Variants in ANGPT1 observed in about 807,000 individuals in gnomAD.
ANGPT1 encodes the protein angiopoietin 1.
A neutral mutation model predicts 62.2 loss-of-function variants in ANGPT1; 17 were observed. That is an observed-to-expected ratio of 0.27 (90% confidence interval 0.19 to 0.41). The LOEUF is 0.41. Ranked by LOEUF, ANGPT1 falls within the 10% of genes least tolerant of loss-of-function variation. The pLI is 1.00. For missense variants in ANGPT1, 478 were observed against 594.9 expected (o/e 0.80, Z 2.04); for synonymous variants, 199 against 198.9 (o/e 1.00, Z 0.00).
chr8:107,496,451 A>G (rs1813099023), intron 1 of ANGPT1, among the ~76,000 whole-genome samples: 1 of 152,222 alleles, frequency 6.6e-6, no homozygotes, highest in Admixed American at 6.5e-5. Context: ...CATTCATCAA[A>G]TAACATGGAT....
At chr8:107,457,137 T>G (rs1283717) in intron 1 of ANGPT1, among the ~76,000 whole-genome samples, 12,767 of 151,912 alleles carry the variant, frequency 0.084, 592 homozygotes, top group South Asian at 0.14. Context: ...ACACAATATT[T>G]ATGACATATT....
chr8:107,334,904 C>A lies in ANGPT1; in HGVS notation c.575+1246G>T, dbSNP rs562970486. 2.0e-5 allele frequency among the ~76,000 whole-genome samples: 3 copies of A among 152,128 alleles called. No homozygotes were observed. In the South Asian group the frequency reaches 6.2e-4, roughly 32 times the overall value. On this transcript the variant is annotated intron_variant, in intron 3 of 8. Transcript: ENST00000517746. ...AGTTTATTTGTAGTTATACAGCTAACCCCATGTCACAGTACAAGGATAAAT... is the reference window on the plus strand; with the variant it reads ...AGTTTATTTGTAGTTATACAGCTAAACCCATGTCACAGTACAAGGATAAAT...
At chr8:107,380,746 C>T (rs1414290515) in intron 1 of ANGPT1, among the ~76,000 whole-genome samples, 2 of 152,100 alleles carry the variant, frequency 1.3e-5, no homozygotes, top group Non-Finnish European at 2.9e-5. Context: ...CATATCATCC[C>T]CACTTATCCA....
chr8:107,351,935 A>C (rs1187177450), intron 1 of ANGPT1, among the ~76,000 whole-genome samples: 1 of 152,204 alleles, frequency 6.6e-6, no homozygotes, highest in Admixed American at 6.6e-5. Flanking sequence ...GAATCTTTAG[A>C]ACAATCCAGG....
intron 1 of ANGPT1, among the ~76,000 whole-genome samples, chr8:107,486,491 A>G (rs1812818798): frequency 6.6e-6 from 1 of 152,178 alleles, no homozygotes; most frequent in South Asian, 2.1e-4. Context: ...AACAGTTTTG[A>G]AAAAGTGCTC....
At chr8:107,440,323 G>A (rs1385960070) in intron 1 of ANGPT1, among the ~76,000 whole-genome samples, 4 of 150,828 alleles carry the variant, frequency 2.7e-5, no homozygotes, top group Non-Finnish European at 4.4e-5. Context: ...GGTTAATACA[G>A]CATCAAATTT....
intron 1 of ANGPT1, among the ~76,000 whole-genome samples, chr8:107,476,106 A>T (rs536821698): frequency 1.3e-5 from 2 of 152,332 alleles, no homozygotes; most frequent in Non-Finnish European, 2.9e-5. Flanking sequence ...AAGGATTATA[A>T]ATCATGCTGC....
chr8:107,474,219 T>C (rs1446074051), intron 1 of ANGPT1, among the ~76,000 whole-genome samples: 1 of 135,100 alleles, frequency 7.4e-6, no homozygotes, highest in Non-Finnish European at 1.6e-5. Flanking sequence ...TCCAGCAACA[T>C]CAAAAAGCTT....
At chr8:107,282,984 C>T (rs1814052669) in intron 7 of ANGPT1, among the ~76,000 whole-genome samples, 1 of 132,010 alleles carries the variant, frequency 7.6e-6, no homozygotes, top group Non-Finnish European at 1.6e-5. Context: ...CCAAGCCTGA[C>T]ACACATGCAT....
chr8:107,259,413 T>C (rs1221215055), intron 8 of ANGPT1, among the ~76,000 whole-genome samples: 2 of 152,138 alleles, frequency 1.3e-5, no homozygotes, highest in Admixed American at 6.5e-5. Flanking sequence ...GTTCTAGATG[T>C]ACTAAGAAAT....
At chr8:107,449,705 A>C (rs980602295) in intron 1 of ANGPT1, among the ~76,000 whole-genome samples, 1 of 152,092 alleles carries the variant, frequency 6.6e-6, no homozygotes, top group African/African-American at 2.4e-5. Context: ...TTGCATTAGC[A>C]CACACGTTTT....
At position 107,311,003 on chromosome 8, in the gene ANGPT1, CTGTG is replaced by C. The variant is rs1197400450; in HGVS notation, c.809-7640_809-7637del. Among the ~76,000 whole-genome samples, 402 of 147,814 alleles carry C rather than the reference CTGTG, an allele frequency of 2.7e-3. 5 individuals carry two copies. Among genetic ancestry groups the C allele is most frequent in the Non-Finnish European group, 1.1e-3 (75 of 66,628 alleles). Reference sequence around the variant, plus strand: ...TGTGAGTGTGTGTGTATGTGTGTGACTGTGTGTATGTATGTGAGTGTGTGTGAGT... The same window carrying C: ...TGTGAGTGTGTGTGTATGTGTGTGACTGTATGTATGTGAGTGTGTGTGAGT... On this transcript the variant is annotated intron_variant, in intron 4 of 8. Transcript: ENST00000517746.
intron 1 of ANGPT1, among the ~76,000 whole-genome samples, chr8:107,402,507 A>C (rs1321630663): frequency 6.6e-6 from 1 of 152,224 alleles, no homozygotes; most frequent in Non-Finnish European, 1.5e-5. Context: ...CAGAGGAAGA[A>C]AGAGCACCTG....
At chr8:107,482,519 G>A (rs934454512) in intron 1 of ANGPT1, among the ~76,000 whole-genome samples, 4 of 152,130 alleles carry the variant, frequency 2.6e-5, no homozygotes, top group African/African-American at 9.7e-5. Flanking sequence ...TAACACAGTA[G>A]CTCAGGGCAT....
intron 1 of ANGPT1, among the ~76,000 whole-genome samples, chr8:107,366,222 T>C (rs1478670046): frequency 1.3e-5 from 2 of 152,232 alleles, no homozygotes; most frequent in Non-Finnish European, 2.9e-5. Context: ...TGAGTTTTAC[T>C]AAATCTACTT....
At chr8:107,420,846 T>TA (rs1810879002) in intron 1 of ANGPT1, among the ~76,000 whole-genome samples, 2 of 152,120 alleles carry the variant, frequency 1.3e-5, no homozygotes, top group Non-Finnish European at 2.9e-5. Context: ...CCTGTCTATA[T>TA]AAAAACATAT....
intron 1 of ANGPT1, among the ~76,000 whole-genome samples, chr8:107,385,455 G>C (rs1816714878): frequency 6.6e-6 from 1 of 152,014 alleles, no homozygotes; most frequent in Non-Finnish European, 1.5e-5. Context: ...ATATACAAAT[G>C]CTATTGATTT....
At chr8:107,319,884 G>A (rs1815110299) in intron 4 of ANGPT1, among the ~76,000 whole-genome samples, 1 of 151,948 alleles carries the variant, frequency 6.6e-6, no homozygotes, top group African/African-American at 2.4e-5. Flanking sequence ...TTAACAAGAA[G>A]CAAATAAAAT....
chr8:107,488,781 C>G (rs746999933), intron 1 of ANGPT1, among the ~76,000 whole-genome samples: 4 of 152,130 alleles, frequency 2.6e-5, no homozygotes, highest in Non-Finnish European at 4.4e-5. Context: ...AGGTGGATGT[C>G]AAGACCTGCT....
Sources: allele counts gnomAD v4.1 joint callset (sites outside exome capture counted in the v4.1 genomes callset), GRCh38; gene constraint gnomAD v4.1.1; transcripts MANE v1.5; gene names NCBI Gene and HGNC (gene_info 2026-07-23, HGNC 2026-07-21).